SDHA: variants seen among roughly 807,000 people sequenced by gnomAD.
SDHA encodes succinate dehydrogenase complex flavoprotein subunit A, also known as succinate dehydrogenase [ubiquinone] flavoprotein subunit, mitochondrial.
SDHA carries 48 observed loss-of-function variants against 78.4 expected under a neutral mutation model. The observed-to-expected ratio is 0.61, with a 90% confidence interval of 0.49 to 0.78. The LOEUF is 0.78. SDHA is among the 30% of genes least tolerant of loss of function. SDHA has a pLI of 0.00. For missense variants in SDHA, 680 were observed against 892.7 expected, an observed-to-expected ratio of 0.76 and a Z score of 3.04; for synonymous variants, 326 against 353.9, an observed-to-expected ratio of 0.92 and a Z score of 0.88.
At chr5:244,644 C>T (rs1005617715) in intron 11 of SDHA, among the ~76,000 whole-genome samples, 12 of 152,308 alleles carry the variant, frequency 7.9e-5, no homozygotes, top group African/African-American at 2.6e-4. Flanking sequence ...AATCATTTCT[C>T]TACAGCACTG....
At position 235,628 on chromosome 5, in the gene SDHA, G is replaced by C. The variant is rs1364294113; in HGVS notation, c.1260+289G>C. 1.1e-5 allele frequency: 5 copies of C among 450,918 alleles called. No homozygotes were observed. The Admixed American group carries it at 1.7e-4, about 15-fold the overall frequency. 27.9% of individuals were successfully genotyped at this position (450,918 alleles called of 1,614,324 possible). A position where few individuals can be genotyped will look rare whatever the true frequency, so the allele number is the denominator to read the frequency against. The stretch of plus-strand genomic sequence containing the variant: ...TATTTCTAATGATCTTACACATCAA[G>C]GGATCTTTATAATTCATTCCTTTGA... On this transcript the variant is annotated intron_variant, in intron 9 of 14. Coordinates refer to ENST00000264932, the MANE Select transcript of SDHA (RefSeq NM_004168.4).
At chr5:242,319 C>CA (rs1736194487) in intron 11 of SDHA, among the ~76,000 whole-genome samples, 1 of 152,198 alleles carries the variant, frequency 6.6e-6, no homozygotes. Context: ...AGAATGAGGG[C>CA]AAGGGACACC....
chr5:259,014 C>T (rs1737386148), downstream of SDHA, among the ~76,000 whole-genome samples: 1 of 47,902 alleles, frequency 2.1e-5, no homozygotes, highest in Non-Finnish European at 4.1e-5. Flanking sequence ...GTGTGAGCTC[C>T]GCCTCCCGCC....
chr5:262,188 CCGCCAGAGCATTA>C, the SDHA span, among the ~76,000 whole-genome samples: 92 of 119,480 alleles, frequency 7.7e-4, no homozygotes, highest in South Asian at 2.0e-3. Flanking sequence ...GCTCCGCCTC[CCGCCAGAGCATTA>C]CCGTGTGAGC....
chr5:225,502 G>C lies in SDHA; in HGVS notation c.396G>C (p.Trp132Cys). The C allele has an allele frequency of 1.9e-6, 3 of 1,613,952 alleles. No individual in the cohort carries two copies. The highest frequency in any genetic ancestry group is 1.7e-6 in the Non-Finnish European group (2 of 1,179,876). The change falls in exon 4 of 15, where the codon TGG (tryptophan) becomes TGC (cysteine). Residue 132 changes from tryptophan (W) to cysteine (C), a missense_variant. Trp to Cys is a radical substitution (Grantham distance 215). Transcript: ENST00000264932. ...HFYDTVKGSD[W>C]LGDQDAIHYM... Reference sequence around the variant, plus strand: ...ACGACACCGTGAAGGGCTCCGACTGGCTGGGGGACCAGGATGCCATCCACT... The same window carrying C: ...ACGACACCGTGAAGGGCTCCGACTGCCTGGGGGACCAGGATGCCATCCACT...
At chr5:235,513 T>A in intron 9 of SDHA, 174 bp downstream of exon 9, 1 of 694,470 alleles carries the variant, frequency 1.4e-6, no homozygotes, top group Non-Finnish European at 2.6e-6. Context: ...GGAGGGGGCT[T>A]AATAATTTAT....
At chr5:245,811 G>A (rs1201900239) in intron 11 of SDHA, among the ~76,000 whole-genome samples, 1 of 152,128 alleles carries the variant, frequency 6.6e-6, no homozygotes, top group African/African-American at 2.4e-5. Flanking sequence ...CCTGCTCTAG[G>A]CATTCCTACC....
At chr5:249,009 G>T (rs1736647322) in intron 11 of SDHA, 2 of 391,928 alleles carry the variant, frequency 5.1e-6, no homozygotes, top group Admixed American at 3.7e-5. Flanking sequence ...GAATAAAAAA[G>T]CATCTAGAAG....
At chr5:226,597 A>T (rs1004056302) in intron 5 of SDHA, among the ~76,000 whole-genome samples, 4 of 152,002 alleles carry the variant, frequency 2.6e-5, no homozygotes, top group African/African-American at 9.7e-5. Context: ...GTACCACTGC[A>T]CTCCAGCCTG....
rs1561017300 is a variant in SDHA, at chr5:256,917, G to A, written c.*497G>A. Among the ~76,000 whole-genome samples, 1 of 147,306 alleles carries A rather than the reference G, an allele frequency of 6.8e-6. No individual in the cohort carries two copies. Among genetic ancestry groups the A allele is most frequent in the Non-Finnish European group, 1.5e-5 (1 of 67,622 alleles). On this transcript the variant is annotated 3_prime_UTR_variant, in exon 15 of 15. Transcript: ENST00000264932. Reference sequence around the variant, plus strand: ...CCTGGGCAGCTCAGGTGATCTTCCTGACTCAGCCTTCTGAGTAGTTGGGGC... The same window carrying A: ...CCTGGGCAGCTCAGGTGATCTTCCTAACTCAGCCTTCTGAGTAGTTGGGGC...
intron 14 of SDHA, 49 bp downstream of exon 14, chr5:254,555 G>T: frequency 1.3e-6 from 2 of 1,507,736 alleles, no homozygotes; most frequent in Non-Finnish European, 1.8e-6. Context: ...ACACGGCCCC[G>T]CCCAGGCCTG....
chr5:220,184 T>C, intron 1 of SDHA: 1 of 369,088 alleles, frequency 2.7e-6, no homozygotes, highest in Non-Finnish European at 5.6e-6. Flanking sequence ...TACAACTGCT[T>C]TCAAGTGACG....
At chr5:250,163 C>G (rs1371599264) in intron 11 of SDHA, 1 of 152,144 alleles carries the variant, frequency 6.6e-6, no homozygotes, top group East Asian at 1.9e-4. Context: ...GGTTGATGTG[C>G]ATTACAGTGT....
chr5:266,856 G>A, the SDHA span, among the ~76,000 whole-genome samples: 3 of 152,290 alleles, frequency 2.0e-5, no homozygotes, highest in East Asian at 1.9e-4. Flanking sequence ...GCCGTCCCGT[G>A]CAGTAGACAC....
intron 1 of SDHA, among the ~76,000 whole-genome samples, chr5:220,042 G>T (rs189287981): frequency 3.3e-5 from 5 of 152,272 alleles, no homozygotes; most frequent in African/African-American, 1.2e-4. Flanking sequence ...GCAGAAAAAA[G>T]AAAGAAATTC....
At chr5:234,493 T>C (rs7719932) in intron 8 of SDHA, 112,179 of 151,572 alleles carry the variant, frequency 0.74, 42,081 homozygotes, top group African/African-American at 0.78. Context: ...CCGTACCCAT[T>C]GGTTCCACAT....
At position 235,137 on chromosome 5, in the gene SDHA, T is replaced by C. The variant is rs1426933226; in HGVS notation, c.1065-7T>C. On this transcript the variant is annotated splice_polypyrimidine_tract_variant and splice_region_variant and intron_variant, in intron 8 of 14. Transcript: ENST00000264932. The stretch of plus-strand genomic sequence containing the variant: ...CTGCCGTATGTGATGGTGTTCTGTC[T>C]TACCAGAGGCTGTGGCCCTGAGAAA... 1.2e-6 allele frequency: 2 copies of C among 1,613,750 alleles called. No individual in the cohort carries two copies. The highest frequency in any genetic ancestry group is 2.7e-5 in the African/African-American group (2 of 74,924).
intron 1 of SDHA, chr5:220,262 T>C (rs1359267596): frequency 6.6e-6 from 3 of 452,082 alleles, no homozygotes; most frequent in African/African-American, 4.0e-5. Flanking sequence ...GCTTGCAAAC[T>C]GTTCGAAAGC....
chr5:259,015 G>A (rs1409290816), downstream of SDHA, among the ~76,000 whole-genome samples: 1 of 44,850 alleles, frequency 2.2e-5, no homozygotes, highest in Admixed American at 2.0e-4. Flanking sequence ...TGTGAGCTCC[G>A]CCTCCCGCCA....
Sources: allele counts gnomAD v4.1 joint callset (sites outside exome capture counted in the v4.1 genomes callset), GRCh38; gene constraint gnomAD v4.1.1; transcripts MANE v1.5; gene names NCBI Gene and HGNC (gene_info 2026-07-23, HGNC 2026-07-21).